GTF2E1: variants seen among roughly 807,000 people sequenced by gnomAD.
The protein encoded by GTF2E1 is general transcription factor IIE subunit 1, also known as TFIIE alpha subunit.
GTF2E1 carries 14 observed loss-of-function variants against 34.9 expected under a neutral mutation model. The observed-to-expected ratio is 0.40, with a 90% CI of 0.27 to 0.63. The LOEUF is 0.63. Ranked by LOEUF, GTF2E1 falls within the 20% of genes least tolerant of loss-of-function variation. The probability of loss-of-function intolerance (pLI) is 0.39; values close to 1 mark genes in which losing one functional copy is unlikely to be tolerated. For missense variants in GTF2E1, 469 were observed against 557.7 expected, an observed-to-expected ratio of 0.84 and a Z score of 1.60; for synonymous variants, 188 against 192.9, an observed-to-expected ratio of 0.97 and a Z score of 0.21.
chr3:120,758,316 T>A (rs1709227750), intron 2 of GTF2E1, among the ~76,000 whole-genome samples: 1 of 152,070 alleles, frequency 6.6e-6, no homozygotes, highest in Non-Finnish European at 1.5e-5. Context: ...AACTACGAAG[T>A]TTTTGCTTAT....
rs538325116 is a variant in GTF2E1, at chr3:120,767,589, T to C, written c.449-3139T>C. Among the ~76,000 whole-genome samples the C allele has an allele frequency of 2.6e-5, 4 of 152,338 alleles. No individual in the cohort carries two copies. In the South Asian group the frequency reaches 8.3e-4, roughly 32 times the overall value. The stretch of plus-strand genomic sequence containing the variant: ...AACTGGCTTAAATACTGACACTGGC[T>C]ACTGCTATTTCCTTGAGTAGTGAAG... On this transcript the variant is annotated intron_variant, in intron 2 of 4. Transcript: ENST00000283875.
In GTF2E1 at chr3:120,765,125, C is replaced by T. The variant is rs6784793; in HGVS notation, c.449-5603C>T. Among the ~76,000 whole-genome samples, 1,138 of 145,190 alleles carry T rather than the reference C, an allele frequency of 7.8e-3. 14 individuals carry two copies. Among genetic ancestry groups the T allele is most frequent in the African/African-American group, 0.027 (1,078 of 39,352 alleles). ...GTAGAACTCTTTCCCTTTCCCCTCC[C>T]TCTTCTGCCACTGTCCCCCTCATCC... is the stretch of plus-strand genomic sequence containing the variant. On this transcript the variant is annotated intron_variant, in intron 2 of 4. Transcript: ENST00000283875.
intron 4 of GTF2E1, among the ~76,000 whole-genome samples, chr3:120,777,913 G>A (rs545899009): frequency 1.6e-3 from 240 of 152,238 alleles, no homozygotes; most frequent in African/African-American, 5.6e-3. Flanking sequence ...TAGTAGAGAC[G>A]GGGTTTTGCC....
chr3:120,747,231 T>A (rs984561777), intron 1 of GTF2E1, among the ~76,000 whole-genome samples: 2 of 150,994 alleles, frequency 1.3e-5, no homozygotes, highest in Non-Finnish European at 1.5e-5. Flanking sequence ...TATTTTATTT[T>A]TTATTTTTAT....
At chr3:120,746,741 C>T (rs1158242775) in intron 1 of GTF2E1, among the ~76,000 whole-genome samples, 1 of 152,110 alleles carries the variant, frequency 6.6e-6, no homozygotes, top group African/African-American at 2.4e-5. Context: ...TGAGACTGCA[C>T]TGAGCCAAGT....
intron 2 of GTF2E1, among the ~76,000 whole-genome samples, chr3:120,751,568 A>T (rs953737490): frequency 6.6e-6 from 1 of 152,220 alleles, no homozygotes; most frequent in Non-Finnish European, 1.5e-5. Flanking sequence ...TGTCAACAAG[A>T]TATATAATTG....
chr3:120,752,110 G>A (rs1006699072), intron 2 of GTF2E1, among the ~76,000 whole-genome samples: 12 of 152,066 alleles, frequency 7.9e-5, no homozygotes, highest in Middle Eastern at 3.2e-3. Context: ...CTTATTTACT[G>A]TGAGGCAATG....
intron 1 of GTF2E1, among the ~76,000 whole-genome samples, chr3:120,744,136 A>T (rs1043198499): frequency 6.6e-6 from 1 of 152,128 alleles, no homozygotes; most frequent in Non-Finnish European, 1.5e-5. Context: ...GATATTTCCA[A>T]TTTTGCAAGA....
In GTF2E1 at chr3:120,742,801, C is replaced by G; in HGVS notation, c.-31+7C>G. ...TGTTCCAGGATTCGCCTTGGTAAAC[C>G]TTGTTCCCTGTTCCTTGTTCGGAGT... On this transcript the variant is annotated splice_region_variant and intron_variant, in intron 1 of 4. Coordinates refer to ENST00000283875, the MANE Select transcript of GTF2E1 (RefSeq NM_005513.3). 2.1e-6 allele frequency: 1 copy of G among 473,766 alleles called. No individual in the cohort carries two copies. The highest frequency in any genetic ancestry group is 3.9e-6 in the Non-Finnish European group (1 of 259,348). The allele number at this position is 473,766 out of a possible 1,614,324, so 29.3% of individuals were successfully genotyped here. A position where few individuals can be genotyped will look rare whatever the true frequency, so the allele number is the denominator to read the frequency against.
intron 3 of GTF2E1, 105 bp downstream of exon 3, chr3:120,771,034 A>C: frequency 1.1e-6 from 1 of 886,354 alleles, no homozygotes; most frequent in Non-Finnish European, 1.9e-6. Flanking sequence ...TAGGAGACTC[A>C]AGACTGTAAT....
At chr3:120,757,839 G>A (rs1709221947) in intron 2 of GTF2E1, among the ~76,000 whole-genome samples, 1 of 152,204 alleles carries the variant, frequency 6.6e-6, no homozygotes, top group Admixed American at 6.5e-5. Context: ...ATTCAATATG[G>A]CATTCGTTTT....
chr3:120,743,566 A>G (rs528719084), intron 1 of GTF2E1, among the ~76,000 whole-genome samples: 2 of 152,312 alleles, frequency 1.3e-5, no homozygotes, highest in African/African-American at 4.8e-5. Flanking sequence ...TTAGAGATAG[A>G]CATGGAGAAA....
chr3:120,761,786 ATTTTTTTTTTTTTT>A (rs35658998), intron 2 of GTF2E1, among the ~76,000 whole-genome samples: 18,729 of 120,600 alleles, frequency 0.16, 1,405 homozygotes, highest in South Asian at 0.25. Context: ...TCTGAGAGAC[ATTTTTTTTTTTTTT>A]TTTTTTTTGA....
chr3:120,771,174 G>A (rs1709347616), intron 3 of GTF2E1, among the ~76,000 whole-genome samples: 1 of 152,076 alleles, frequency 6.6e-6, no homozygotes, highest in Non-Finnish European at 1.5e-5. Flanking sequence ...TTGACTTCAA[G>A]TACTCATTCT....
At chr3:120,777,760 C>G (rs1258038947) in intron 4 of GTF2E1, among the ~76,000 whole-genome samples, 1 of 152,204 alleles carries the variant, frequency 6.6e-6, no homozygotes, top group Non-Finnish European at 1.5e-5. Flanking sequence ...GAGTCTCGCT[C>G]TGTTGCCTAG....
At position 120,750,660 on chromosome 3, in the gene GTF2E1, C is replaced by A; in HGVS notation, c.108C>A (p.Ile36=). The change falls in exon 2 of 5, where the codon ATC becomes ATA. Residue 36 remains isoleucine, a synonymous_variant. Transcript: ENST00000283875. ...TTGAGCATGCCTTGGCCTTGGACAT[C>A]TTGATCAGGAACTCCTGTGTGAAAG... ...YGIEHALALD[I]LIRNSCVKEE... 1.9e-6 allele frequency: 3 copies of A among 1,613,988 alleles called. No homozygotes were observed. The highest frequency in any genetic ancestry group is 1.1e-5 in the South Asian group (1 of 91,088).
chr3:120,764,729 A>G (rs1249391882), intron 2 of GTF2E1, among the ~76,000 whole-genome samples: 2 of 152,172 alleles, frequency 1.3e-5, no homozygotes, highest in South Asian at 2.1e-4. Context: ...ACATTTCCAG[A>G]GCACGTACTT....
chr3:120,751,656 G>A (rs937580343), intron 2 of GTF2E1, among the ~76,000 whole-genome samples: 1 of 152,140 alleles, frequency 6.6e-6, no homozygotes, highest in Non-Finnish European at 1.5e-5. Context: ...AATACAATAT[G>A]TCTAGCATAA....
Position 120,781,483 on chromosome 3 carries a change from T to TCTTTCTC in GTF2E1, c.*21_*27dup, listed in dbSNP as rs1709447536. The TCTTTCTC allele has an allele frequency of 6.3e-7, 1 of 1,594,996 alleles. No homozygotes were observed. Among genetic ancestry groups the TCTTTCTC allele is most frequent in the Non-Finnish European group, 8.6e-7 (1 of 1,163,924 alleles). ...CCTCTTTGAGTGAGCTTTCCCTAAT[T>TCTTTCTC]CTTTCTCCTTTCTCTAATGCTCAGT... On this transcript the variant is annotated 3_prime_UTR_variant, in exon 5 of 5. Coordinates refer to ENST00000283875, the MANE Select transcript of GTF2E1 (RefSeq NM_005513.3).
Sources: allele counts gnomAD v4.1 joint callset (sites outside exome capture counted in the v4.1 genomes callset), GRCh38; gene constraint gnomAD v4.1.1; transcripts MANE v1.5; gene names NCBI Gene and HGNC (gene_info 2026-07-23, HGNC 2026-07-21).